MBP: variants seen among roughly 807,000 people sequenced by gnomAD.
MBP encodes the protein Golli-MBP.
A neutral mutation model predicts 35.8 loss-of-function variants in MBP; 16 were observed. The ratio of observed to expected loss-of-function variants is 0.45; its 90% CI spans 0.30 to 0.68. The LOEUF is 0.68. MBP is among the 30% of genes least tolerant of loss of function. The probability of loss-of-function intolerance (pLI) is 0.08; values close to 1 mark genes in which losing one functional copy is unlikely to be tolerated. For synonymous variants in MBP, 143 were observed against 159.6 expected (o/e 0.90, Z 0.78); for missense variants, 380 against 404.7 (o/e 0.94, Z 0.52).
chr18:77,041,946 G>A (rs1973024220), intron 3 of MBP, among the ~76,000 whole-genome samples: 4 of 148,444 alleles, frequency 2.7e-5, no homozygotes, highest in African/African-American at 5.1e-5. Context: ...AAAAAAGAAT[G>A]GTCCATAAAA....
intron 3 of MBP, among the ~76,000 whole-genome samples, chr18:77,047,221 G>C (rs1973294580): frequency 6.6e-6 from 1 of 152,226 alleles, no homozygotes; most frequent in Non-Finnish European, 1.5e-5. Context: ...ACAGCCAAAG[G>C]GTGGCAGCCA....
intron 3 of MBP, among the ~76,000 whole-genome samples, chr18:77,028,853 TG>T (rs376573485): frequency 0.13 from 9,686 of 72,320 alleles, 2,003 homozygotes; most frequent in African/African-American, 0.35. Context: ...TTCCCAGATG[TG>T]ATGGCGGCCG....
At chr18:77,016,783 C>G (rs1568292262) in intron 4 of MBP, 49 bp downstream of exon 4, 1 of 1,599,372 alleles carries the variant, frequency 6.3e-7, no homozygotes, top group African/African-American at 1.3e-5. Context: ...CTGATTTCTC[C>G]TTTGCTTTTT....
chr18:77,082,051 A>G (rs1599207638), intron 2 of MBP, among the ~76,000 whole-genome samples: 1 of 151,072 alleles, frequency 6.6e-6, no homozygotes, highest in Non-Finnish European at 1.5e-5. Flanking sequence ...ACGGGGTTTC[A>G]CTGTGTTAGC....
chr18:77,044,919 AT>A lies in MBP; in HGVS notation c.139+21378del, dbSNP rs1973169148. Among the ~76,000 whole-genome samples, 1 of 151,402 alleles carries A rather than the reference AT, an allele frequency of 6.6e-6. No homozygotes were observed. The highest frequency in any genetic ancestry group is 1.5e-5 in the Non-Finnish European group (1 of 67,850). On this transcript the variant is annotated intron_variant, in intron 3 of 8. Transcript: ENST00000355994. The surrounding 1 kb of genome is among the most constrained non-coding windows in gnomAD (Gnocchi z 4.4). ...TGTGACTGTGTGAGTGTGTAAGAAA[AT>A]GTGAGTCTGTGAGAGAACATGAGTG...
chr18:76,990,527 A>C (rs903374549), intron 4 of MBP, among the ~76,000 whole-genome samples: 2 of 152,124 alleles, frequency 1.3e-5, no homozygotes, highest in Non-Finnish European at 2.9e-5. Flanking sequence ...TCATATATCA[A>C]GATTGGGAAG....
intron 3 of MBP, among the ~76,000 whole-genome samples, chr18:77,021,741 G>A (rs901891575): frequency 4.6e-5 from 7 of 152,128 alleles, no homozygotes; most frequent in Admixed American, 3.3e-4. Flanking sequence ...CCTCGGCCCC[G>A]CAAAGTGCTT....
In MBP at chr18:77,044,190, A is replaced by G. The variant is rs775559969; in HGVS notation, c.139+22108T>C. Among the ~76,000 whole-genome samples the G allele has an allele frequency of 3.9e-5, 6 of 152,054 alleles. No individual in the cohort carries two copies. Among genetic ancestry groups the G allele is most frequent in the African/African-American group, 4.8e-5 (2 of 41,394 alleles). On this transcript the variant is annotated intron_variant, in intron 3 of 8. Transcript: ENST00000355994. This position sits in a 1 kb window ranked among gnomAD's most constrained non-coding sequence, Gnocchi z 4.4. ...CTTACACATCTCACAAGTGCCCTCC[A>G]TCACCTGCTTGTGAACTCCTGACCA...
chr18:77,077,863 T>C (rs1372425088), intron 2 of MBP, among the ~76,000 whole-genome samples: 2 of 152,226 alleles, frequency 1.3e-5, no homozygotes, highest in African/African-American at 4.8e-5. Context: ...AAGGGAGGAT[T>C]GCTATTTTAA....
At chr18:77,118,259 G>A (rs1976759905) in intron 1 of MBP, among the ~76,000 whole-genome samples, 1 of 151,468 alleles carries the variant, frequency 6.6e-6, no homozygotes, top group African/African-American at 2.4e-5. Context: ...GGGAGCAGGA[G>A]GCCTGTGTCC....
At chr18:77,130,468 G>A (rs1022268441) in intron 1 of MBP, among the ~76,000 whole-genome samples, 3 of 151,744 alleles carry the variant, frequency 2.0e-5, no homozygotes, top group Admixed American at 2.0e-4. Context: ...ACTGTTATCC[G>A]AGGTGACAAA....
intron 3 of MBP, among the ~76,000 whole-genome samples, chr18:77,056,658 G>C (rs921606071): frequency 6.6e-6 from 1 of 152,160 alleles, no homozygotes; most frequent in Non-Finnish European, 1.5e-5. Flanking sequence ...CCCGCCTTTC[G>C]TTTCAGCAGG....
chr18:77,066,002 T>C, intron 3 of MBP: 1 of 305,174 alleles, frequency 3.3e-6, no homozygotes, highest in Non-Finnish European at 6.1e-6. Context: ...GGGCCACGGG[T>C]GCATGCCACC....
chr18:77,000,810 A>T (rs915561227), intron 4 of MBP, among the ~76,000 whole-genome samples: 1 of 152,200 alleles, frequency 6.6e-6, no homozygotes, highest in Non-Finnish European at 1.5e-5. Context: ...GTAACAGATG[A>T]GTTGCCGCCC....
intron 3 of MBP, among the ~76,000 whole-genome samples, chr18:77,024,754 C>T (rs987365699): frequency 6.6e-6 from 1 of 152,246 alleles, no homozygotes; most frequent in Non-Finnish European, 1.5e-5. Context: ...CCTTGGAGGC[C>T]GACCTCAGTC....
intron 3 of MBP, among the ~76,000 whole-genome samples, chr18:77,036,672 C>G (rs1258764562): frequency 6.7e-6 from 1 of 149,292 alleles, no homozygotes; most frequent in Non-Finnish European, 1.5e-5. Flanking sequence ...GTGCTGGTCA[C>G]GTTTCAGAGG....
chr18:77,009,119 G>A (rs1356989755), intron 4 of MBP, among the ~76,000 whole-genome samples: 1 of 152,248 alleles, frequency 6.6e-6, no homozygotes, highest in African/African-American at 2.4e-5. Flanking sequence ...GGTGGATGCA[G>A]GTTTGTGGTG....
At chr18:77,023,027 G>A (rs1599087611) in intron 3 of MBP, among the ~76,000 whole-genome samples, 1 of 152,290 alleles carries the variant, frequency 6.6e-6, no homozygotes, top group East Asian at 1.9e-4. Context: ...ATTTTCTGTG[G>A]TATTAATCGA....
chr18:77,086,014 C>G (rs950416357), intron 2 of MBP, among the ~76,000 whole-genome samples: 1 of 152,108 alleles, frequency 6.6e-6, no homozygotes, highest in Non-Finnish European at 1.5e-5. Context: ...GAGTGACAGA[C>G]AGACAGACAA....
Sources: allele counts gnomAD v4.1 joint callset (sites outside exome capture counted in the v4.1 genomes callset), GRCh38; gene constraint gnomAD v4.1.1; non-coding constraint Gnocchi (gnomAD v3.1); transcripts MANE v1.5; gene names NCBI Gene and HGNC (gene_info 2026-07-23, HGNC 2026-07-21).